The following SLC7A1 variants were observed in gnomAD, a reference collection of about 807,000 sequenced individuals.
SLC7A1 encodes the protein high affinity cationic amino acid transporter 1.
SLC7A1 carries 10 observed loss-of-function variants against 53.9 expected under a neutral mutation model. That is an observed-to-expected ratio of 0.19 (90% CI 0.11 to 0.31). The LOEUF is 0.31. SLC7A1 is among the 10% of genes least tolerant of loss of function. The pLI, the probability that SLC7A1 is intolerant of heterozygous loss-of-function variation, is 1.00. For synonymous variants in SLC7A1, 342 were observed against 338.7 expected (o/e 1.01, Z -0.11); for missense variants, 525 against 827.2 (o/e 0.63, Z 4.48).
intron 1 of SLC7A1, among the ~76,000 whole-genome samples, chr13:29,554,986 TC>T (rs1381617519): frequency 6.6e-6 from 1 of 152,232 alleles, no homozygotes; most frequent in African/African-American, 2.4e-5. Context: ...ATATATGCTT[TC>T]CTCATGACCA....
chr13:29,552,754 T>C (rs1593561874), intron 2 of SLC7A1, among the ~76,000 whole-genome samples: 1 of 152,318 alleles, frequency 6.6e-6, no homozygotes, highest in Non-Finnish European at 1.5e-5. Flanking sequence ...TATCACTGGC[T>C]TGCTGTCAAT....
chr13:29,520,012 G>A (rs942275049), intron 8 of SLC7A1, among the ~76,000 whole-genome samples: 8 of 151,816 alleles, frequency 5.3e-5, no homozygotes, highest in African/African-American at 1.7e-4. Context: ...CCATCCTATC[G>A]GTCCATCCAT....
Position 29,511,465 on chromosome 13 carries a change from C to T in SLC7A1, c.*3015G>A, listed in dbSNP as rs1883386337. The T allele has an allele frequency of 6.6e-6, 1 of 152,206 alleles. No individual in the cohort carries two copies. The highest frequency in any genetic ancestry group is 2.1e-4 in the South Asian group (1 of 4,834). 9.4% of individuals were successfully genotyped at this position (152,206 alleles called of 1,614,324 possible). On this transcript the variant is annotated 3_prime_UTR_variant, in exon 13 of 13. Transcript: ENST00000380752. ...GTCCTCTTGATTTGGAAAAATAAAT[C>T]CGATGCATAAAGCCTTGGACAAGGG...
chr13:29,529,057 A>G (rs3825536), intron 5 of SLC7A1, among the ~76,000 whole-genome samples: 24,496 of 152,146 alleles, frequency 0.16, 3,314 homozygotes, highest in East Asian at 0.61. Flanking sequence ...TTACTTCAAC[A>G]CATATTTGGA....
chr13:29,562,498 C>T (rs1480107789), intron 1 of SLC7A1, among the ~76,000 whole-genome samples: 1 of 152,160 alleles, frequency 6.6e-6, no homozygotes, highest in Non-Finnish European at 1.5e-5. Context: ...GAATGTCCAA[C>T]TGGTAAGTAT....
At chr13:29,534,906 A>C (rs1365630095) in intron 3 of SLC7A1, among the ~76,000 whole-genome samples, 1 of 152,216 alleles carries the variant, frequency 6.6e-6, no homozygotes, top group Admixed American at 6.5e-5. Flanking sequence ...CTTCAGTTGT[A>C]ATCAAAATAC....
At chr13:29,519,724 G>A (rs1286642601) in intron 8 of SLC7A1, among the ~76,000 whole-genome samples, 175 bp from the exon 9 acceptor site, 1 of 140,918 alleles carries the variant, frequency 7.1e-6, no homozygotes, top group Non-Finnish European at 1.5e-5. Flanking sequence ...TTCCCTTTAA[G>A]CTTGTGATTA....
chr13:29,592,773 A>G (rs1261950789), intron 1 of SLC7A1, among the ~76,000 whole-genome samples: 1 of 152,168 alleles, frequency 6.6e-6, no homozygotes, highest in Non-Finnish European at 1.5e-5. Context: ...TGGGGTGGAT[A>G]GCAGGTTGGC....
At position 29,517,768 on chromosome 13, in the gene SLC7A1, G is replaced by A. The variant is rs965362579; in HGVS notation, c.1315C>T (p.Leu439=). The change falls in exon 10 of 13, where the codon CTG becomes TTG. Residue 439 remains leucine, a synonymous_variant. Coordinates refer to ENST00000380752, the MANE Select transcript of SLC7A1 (RefSeq NM_003045.5). ...VLRYQPEQPN[L]VYQMASTSDE... Reference sequence around the variant, plus strand: ...GAAGTACTGGCCATCTGGTATACCAGGTTAGGCTGCTCTGGCTGGTACCTG... The same window carrying A: ...GAAGTACTGGCCATCTGGTATACCAAGTTAGGCTGCTCTGGCTGGTACCTG... 1 of 1,614,168 alleles carries A rather than the reference G, an allele frequency of 6.2e-7. No homozygotes were observed. Among genetic ancestry groups the A allele is most frequent in the Non-Finnish European group, 8.5e-7 (1 of 1,180,024 alleles).
chr13:29,556,933 C>A (rs1274575887), intron 1 of SLC7A1, among the ~76,000 whole-genome samples: 1 of 152,188 alleles, frequency 6.6e-6, no homozygotes, highest in Non-Finnish European at 1.5e-5. Flanking sequence ...CAGTCATAGT[C>A]TCCTGTCGTG....
intron 1 of SLC7A1, among the ~76,000 whole-genome samples, chr13:29,563,692 G>A (rs1312013366): frequency 2.0e-5 from 3 of 152,200 alleles, no homozygotes; most frequent in Admixed American, 6.5e-5. Context: ...TGGGCAGCTT[G>A]AAGAGACGGG....
At chr13:29,542,682 A>AG (rs11460300) in intron 2 of SLC7A1, among the ~76,000 whole-genome samples, 2,943 of 15,436 alleles carry the variant, frequency 0.19, 77 homozygotes, top group African/African-American at 0.34. Context: ...ACCCTGTTTC[A>AG]AAAAAAAAAA....
chr13:29,594,278 T>C (rs1465836298), intron 1 of SLC7A1, among the ~76,000 whole-genome samples: 1 of 152,256 alleles, frequency 6.6e-6, no homozygotes, highest in African/African-American at 2.4e-5. Context: ...GCACATTCTT[T>C]AGGGAGATAC....
chr13:29,533,847 T>C (rs1410784915), intron 3 of SLC7A1, among the ~76,000 whole-genome samples: 1 of 152,192 alleles, frequency 6.6e-6, no homozygotes, highest in Non-Finnish European at 1.5e-5. Flanking sequence ...TTCCAGCATT[T>C]TCATAGAGCG....
rs1051228763 is a variant in SLC7A1 at position 29,509,876 on chromosome 13, T to C, written c.*4604A>G. The C allele has an allele frequency of 2.0e-5, 3 of 152,588 alleles. No homozygotes were observed. The highest frequency in any genetic ancestry group is 7.2e-5 in the African/African-American group (3 of 41,436). The allele number at this position is 152,588 out of a possible 1,614,324, so 9.5% of individuals were successfully genotyped here. A position where few individuals can be genotyped will look rare whatever the true frequency, so the allele number is the denominator to read the frequency against. On this transcript the variant is annotated 3_prime_UTR_variant, in exon 13 of 13. Transcript: ENST00000380752. The stretch of plus-strand genomic sequence containing the variant: ...TCATTGGTATCATTACCCTTAGTGC[T>C]CCTTAAACTCATTGAAGCTGAAAGG...
intron 8 of SLC7A1, among the ~76,000 whole-genome samples, chr13:29,521,464 C>CAAGGCCGCTCCA (rs1232534149): frequency 6.6e-6 from 1 of 152,222 alleles, no homozygotes; most frequent in East Asian, 1.9e-4. Flanking sequence ...CCTGGAATCA[C>CAAGGCCGCTCCA]AAGGCCGCTC....
intron 1 of SLC7A1, among the ~76,000 whole-genome samples, chr13:29,576,293 T>TAAAAAAAAAAA (rs3069134): frequency 2.4e-5 from 3 of 124,966 alleles, no homozygotes; most frequent in African/African-American, 1.1e-4. Context: ...TCCTGTTTTT[T>TAAAAAAAAAAA]AAAAAAAAAA....
intron 1 of SLC7A1, among the ~76,000 whole-genome samples, chr13:29,583,548 C>A (rs990838040): frequency 3.3e-5 from 5 of 152,184 alleles, no homozygotes; most frequent in African/African-American, 1.2e-4. Context: ...CTTGCAGATG[C>A]TCCACACAGG....
At chr13:29,525,618 A>G (rs1868849409) in intron 5 of SLC7A1, among the ~76,000 whole-genome samples, 1 of 152,234 alleles carries the variant, frequency 6.6e-6, no homozygotes, top group Non-Finnish European at 1.5e-5. Flanking sequence ...CTAGAGGATC[A>G]TCACAGCTCT....
Sources: allele counts gnomAD v4.1 joint callset (sites outside exome capture counted in the v4.1 genomes callset), GRCh38; gene constraint gnomAD v4.1.1; transcripts MANE v1.5; gene names NCBI Gene and HGNC (gene_info 2026-07-23, HGNC 2026-07-21).